TRAF3: variants seen among roughly 807,000 people sequenced by gnomAD.
TRAF3 encodes TNF receptor associated factor 3, also known as TNF receptor-associated factor 3.
Under a neutral mutation model 62.3 loss-of-function variants are expected in TRAF3, and 13 were observed. The ratio of observed to expected loss-of-function variants is 0.21; its 90% confidence interval spans 0.14 to 0.33. TRAF3 has a LOEUF of 0.33. Ranked by LOEUF, TRAF3 falls within the 10% of genes least tolerant of loss-of-function variation. TRAF3 has a pLI of 1.00. For missense variants in TRAF3, 440 were observed against 741.8 expected (o/e 0.59, Z 4.73); for synonymous variants, 269 against 283.4 (o/e 0.95, Z 0.51).
intron 2 of TRAF3, among the ~76,000 whole-genome samples, chr14:102,844,182 C>G (rs979661455): frequency 6.6e-6 from 1 of 152,196 alleles, no homozygotes; most frequent in Admixed American, 6.5e-5. Flanking sequence ...CTATACAGTT[C>G]TTGAGTACAA....
chr14:102,813,869 G>C (rs2139536177), intron 1 of TRAF3, among the ~76,000 whole-genome samples: 1 of 152,156 alleles, frequency 6.6e-6, no homozygotes, highest in South Asian at 2.1e-4. Context: ...CTGTAGGTTG[G>C]CTTTTCATTC....
At chr14:102,799,643 G>T (rs895983732) in intron 1 of TRAF3, among the ~76,000 whole-genome samples, 2 of 152,168 alleles carry the variant, frequency 1.3e-5, no homozygotes, top group South Asian at 4.1e-4. Flanking sequence ...TAGAGATGGG[G>T]TTTCACCATG....
At chr14:102,832,564 C>T (rs1885709869) in intron 2 of TRAF3, among the ~76,000 whole-genome samples, 1 of 152,108 alleles carries the variant, frequency 6.6e-6, no homozygotes, top group Admixed American at 6.6e-5. Context: ...ATCCCAGCTA[C>T]TTGGGAGGCT....
chr14:102,791,961 T>C (rs1025417511), intron 1 of TRAF3, among the ~76,000 whole-genome samples: 1 of 151,594 alleles, frequency 6.6e-6, no homozygotes, highest in African/African-American at 2.4e-5. Context: ...CAAAGGCACA[T>C]GCCACAATGC....
intron 1 of TRAF3, among the ~76,000 whole-genome samples, chr14:102,817,999 G>C (rs184496118): frequency 5.3e-4 from 80 of 152,320 alleles, no homozygotes; most frequent in African/African-American, 1.8e-3. Context: ...AGGCTGGAGA[G>C]GGGTGGGGAG....
chr14:102,895,154 C>G (rs533654362), intron 9 of TRAF3: 2 of 455,364 alleles, frequency 4.4e-6, no homozygotes, highest in African/African-American at 4.0e-5. Context: ...CAGAGGGACA[C>G]AACTACCACG....
At chr14:102,791,614 A>G (rs1025343379) in intron 1 of TRAF3, among the ~76,000 whole-genome samples, 66 of 152,164 alleles carry the variant, frequency 4.3e-4, no homozygotes, top group Non-Finnish European at 7.3e-4. Context: ...ATACAGAATC[A>G]TGTCACCTGC....
intron 1 of TRAF3, among the ~76,000 whole-genome samples, chr14:102,816,352 C>T (rs1235719419): frequency 3.3e-5 from 5 of 152,140 alleles, no homozygotes; most frequent in Admixed American, 2.0e-4. Context: ...GTCCACCCTC[C>T]TCAGCCTCCC....
At chr14:102,873,830 C>T (rs1371721760) in intron 4 of TRAF3, among the ~76,000 whole-genome samples, 2 of 151,996 alleles carry the variant, frequency 1.3e-5, no homozygotes, top group Non-Finnish European at 2.9e-5. Flanking sequence ...TAACTCTTAA[C>T]AGCTGTTGAT....
intron 1 of TRAF3, among the ~76,000 whole-genome samples, chr14:102,789,053 C>T (rs781318107): frequency 1.3e-5 from 2 of 152,182 alleles, no homozygotes; most frequent in African/African-American, 4.8e-5. Flanking sequence ...CCCTTGATAA[C>T]CTCTAATCTG....
chr14:102,893,881 A>G (rs562871357), intron 9 of TRAF3, among the ~76,000 whole-genome samples: 1 of 152,362 alleles, frequency 6.6e-6, no homozygotes, highest in East Asian at 1.9e-4. Flanking sequence ...GCCCTTTGCT[A>G]GGTCCAAAAG....
chr14:102,799,668 C>G (rs1292935822), intron 1 of TRAF3, among the ~76,000 whole-genome samples: 1 of 152,302 alleles, frequency 6.6e-6, no homozygotes, highest in Non-Finnish European at 1.5e-5. Flanking sequence ...TCAGGCTGGT[C>G]TTGAACTCTT....
intron 7 of TRAF3, among the ~76,000 whole-genome samples, chr14:102,888,528 G>C (rs1889532804): frequency 2.6e-5 from 4 of 152,200 alleles, no homozygotes; most frequent in African/African-American, 9.7e-5. Context: ...AGAAGTTGTA[G>C]AACTTAGCTG....
chr14:102,877,876 G>T (rs1000267051), intron 6 of TRAF3, among the ~76,000 whole-genome samples: 7 of 152,008 alleles, frequency 4.6e-5, no homozygotes, highest in African/African-American at 1.7e-4. Context: ...CAGGCCTTCC[G>T]CTGAGTTCAT....
rs990070282 is a variant in TRAF3, at chr14:102,777,521, G to T, written c.-311G>T. ...GCCGCGTGCGCGAGCCGGGGTTGCA[G>T]CCCAGCCGGGACTTTCCAGCCGGCG... On this transcript the variant is annotated 5_prime_UTR_variant, in exon 1 of 12. Transcript: ENST00000392745. 1.4e-5 allele frequency: 2 copies of T among 144,908 alleles called. No individual in the cohort carries two copies. The highest frequency in any genetic ancestry group is 3.1e-5 in the Non-Finnish European group (2 of 65,202). 9.0% of individuals were successfully genotyped at this position (144,908 alleles called of 1,614,324 possible).
intron 1 of TRAF3, among the ~76,000 whole-genome samples, chr14:102,778,724 T>C (rs1897144921): frequency 6.6e-6 from 1 of 152,222 alleles, no homozygotes; most frequent in Non-Finnish European, 1.5e-5. Context: ...TTATTTTTTT[T>C]CCTAGCATTT....
At chr14:102,863,591 C>T (rs1178536398) in intron 2 of TRAF3, among the ~76,000 whole-genome samples, 1 of 152,204 alleles carries the variant, frequency 6.6e-6, no homozygotes, top group Non-Finnish European at 1.5e-5. Flanking sequence ...CTTTCCTGAA[C>T]ATGTACACAG....
chr14:102,876,675 G>C, intron 6 of TRAF3, 150 bp downstream of exon 6: 1 of 1,080,102 alleles, frequency 9.3e-7, no homozygotes, highest in East Asian at 2.6e-5. Context: ...TCAGTTCATA[G>C]ATATTCCGTT....
chr14:102,886,535 C>G (rs968955558), intron 7 of TRAF3, among the ~76,000 whole-genome samples: 3 of 152,110 alleles, frequency 2.0e-5, no homozygotes, highest in African/African-American at 4.8e-5. Flanking sequence ...GCAGATGGAT[C>G]ACCTGAGGTC....
Sources: gnomAD v4.1 joint callset for allele counts (sites outside exome capture counted in the v4.1 genomes callset) on GRCh38, gnomAD v4.1.1 for gene constraint, MANE v1.5 for transcripts, NCBI Gene and HGNC (gene_info 2026-07-23, HGNC 2026-07-21) for gene names.